Variants in CD99L2 observed in about 807,000 individuals in gnomAD.
The protein encoded by CD99L2 is CD99 molecule like 2, also known as CD99 antigen-like protein 2.
In CD99L2, 24 loss-of-function variants were observed where a neutral mutation model predicts 27.3. The observed-to-expected ratio is 0.88, with a 90% confidence interval of 0.64 to 1.24. The LOEUF (loss-of-function observed/expected upper bound fraction) is 1.24. Among genes scored for constraint, CD99L2 ranks in the 50% most tolerant of loss-of-function variants. The pLI is 0.00. For missense variants in CD99L2, 255 were observed against 221.6 expected (o/e 1.15, Z -0.96); for synonymous variants, 97 against 87.9 (o/e 1.10, Z -0.58).
chrX:150,874,704 G>A (rs986908881), intron 1 of CD99L2, among the ~76,000 whole-genome samples: 13 of 111,773 alleles, frequency 1.2e-4, no homozygotes, highest in Non-Finnish European at 3.8e-5. Flanking sequence ...AACCTTCCTT[G>A]AAACACTTTG....
chrX:150,770,378 G>A lies in CD99L2; in HGVS notation c.656-9C>T, dbSNP rs782620868. 14 of 1,207,103 alleles carry A rather than the reference G, an allele frequency of 1.2e-5. No homozygotes were observed. In the Admixed American group the frequency reaches 2.6e-4, roughly 23 times the overall value. On this transcript the variant is annotated splice_polypyrimidine_tract_variant and intron_variant, in intron 9 of 10. Coordinates refer to ENST00000370377, the MANE Select transcript of CD99L2 (RefSeq NM_031462.4). ...GTCTGCGTTGAGACCCTCTGCAAAG[G>A]GAAAAGGGCAGAGTTAGTGATGCGC...
At chrX:150,856,026 T>G (rs1240317234) in intron 1 of CD99L2, among the ~76,000 whole-genome samples, 1 of 112,671 alleles carries the variant, frequency 8.9e-6, no homozygotes, top group Non-Finnish European at 1.9e-5. Context: ...GACCTGCCAC[T>G]TTTAAATTCT....
chrX:150,799,314 A>G (rs1211177431), intron 4 of CD99L2, among the ~76,000 whole-genome samples: 2 of 104,008 alleles, frequency 1.9e-5, no homozygotes, highest in African/African-American at 7.1e-5. Context: ...CCTGGACAAC[A>G]TGGTGAAACC....
chrX:150,841,023 T>G (rs1184183050), intron 1 of CD99L2, among the ~76,000 whole-genome samples: 1 of 112,054 alleles, frequency 8.9e-6, no homozygotes, highest in East Asian at 2.8e-4. Flanking sequence ...ATGCAAATAC[T>G]TCAACCCAGC....
At chrX:150,878,559 GA>G (rs1220358476) in intron 1 of CD99L2, among the ~76,000 whole-genome samples, 36 of 94,272 alleles carry the variant, frequency 3.8e-4, no homozygotes, top group Non-Finnish European at 6.3e-4. Flanking sequence ...GGAAAGAAAA[GA>G]AAAAAAAAAG....
intron 1 of CD99L2, among the ~76,000 whole-genome samples, chrX:150,891,633 C>T (rs2047513553): frequency 8.9e-6 from 1 of 112,148 alleles, no homozygotes; most frequent in Non-Finnish European, 1.9e-5. Context: ...AACATATTCA[C>T]AGGTTCCAGA....
At chrX:150,860,493 A>G (rs2124316847) in intron 1 of CD99L2, among the ~76,000 whole-genome samples, 1 of 112,260 alleles carries the variant, frequency 8.9e-6, no homozygotes, top group South Asian at 3.7e-4. Flanking sequence ...AGAAAGAAAT[A>G]AAAGGCATCT....
intron 1 of CD99L2, among the ~76,000 whole-genome samples, chrX:150,873,996 C>T (rs1234409955): frequency 8.9e-6 from 1 of 112,683 alleles, no homozygotes; most frequent in Non-Finnish European, 1.9e-5. Context: ...GCAGTGAATG[C>T]TTTTCATAGG....
At chrX:150,816,963 C>T (rs904796732) in intron 2 of CD99L2, among the ~76,000 whole-genome samples, 2 of 99,894 alleles carry the variant, frequency 2.0e-5, no homozygotes, top group Non-Finnish European at 4.0e-5. Context: ...AACCAAACAC[C>T]GCATATTCTC....
At chrX:150,812,613 T>C (rs1396600152) in intron 4 of CD99L2, among the ~76,000 whole-genome samples, 3 of 112,580 alleles carry the variant, frequency 2.7e-5, no homozygotes, top group African/African-American at 9.7e-5. Flanking sequence ...TTGCAAAATA[T>C]TACAGTCTTC....
At chrX:150,775,646 C>T (rs923707102) in intron 9 of CD99L2, among the ~76,000 whole-genome samples, 6 of 112,386 alleles carry the variant, frequency 5.3e-5, no homozygotes, top group African/African-American at 1.9e-4. Flanking sequence ...GTTTGTGGCT[C>T]GTAGGGGGAA....
At chrX:150,782,452 G>A (rs782075008) in intron 7 of CD99L2, among the ~76,000 whole-genome samples, 2 of 111,174 alleles carry the variant, frequency 1.8e-5, no homozygotes, top group South Asian at 7.7e-4. Flanking sequence ...GTAATATAAT[G>A]GGTATCCCCT....
At chrX:150,865,887 G>A (rs1175404333) in intron 1 of CD99L2, among the ~76,000 whole-genome samples, 5 of 112,222 alleles carry the variant, frequency 4.5e-5, no homozygotes, top group African/African-American at 9.7e-5. Context: ...TTGGGAGGCC[G>A]AGATGGGAGG....
intron 7 of CD99L2, among the ~76,000 whole-genome samples, chrX:150,785,166 C>A (rs781866045): frequency 1.8e-4 from 20 of 110,175 alleles, no homozygotes; most frequent in African/African-American, 6.6e-4. Flanking sequence ...GCAGAAAGAA[C>A]ATGTCAGCAG....
At chrX:150,809,300 C>G (rs2046040218) in intron 4 of CD99L2, among the ~76,000 whole-genome samples, 1 of 111,534 alleles carries the variant, frequency 9.0e-6, no homozygotes, top group Admixed American at 9.5e-5. Context: ...AAACTTCAGA[C>G]AAGACCCCTA....
rs782179326 is a variant in CD99L2 at position 150,816,400 on chromosome X, C to T, written c.131-322G>A. The T allele has an allele frequency of 2.2e-4, 60 of 272,555 alleles. No individual in the cohort carries two copies. In the Admixed American group the frequency reaches 2.9e-3, roughly 13 times the overall value. 22.5% of individuals were successfully genotyped at this position (272,555 alleles called of 1,213,427 possible). A position where few individuals can be genotyped will look rare whatever the true frequency, so the allele number is the denominator to read the frequency against. On this transcript the variant is annotated intron_variant, in intron 2 of 10. Transcript: ENST00000370377. ...GCACGTGGTCCAGGGAGTTCCACAG[C>T]CTGAGCATGATCCTTGAGGGCTCCA...
At chrX:150,879,364 G>A (rs971484049) in intron 1 of CD99L2, among the ~76,000 whole-genome samples, 4 of 111,900 alleles carry the variant, frequency 3.6e-5, no homozygotes, top group Non-Finnish European at 5.6e-5. Flanking sequence ...TAAGAAAAGG[G>A]AGAAGGTGGC....
At chrX:150,876,235 C>T (rs1021835604) in intron 1 of CD99L2, among the ~76,000 whole-genome samples, 1 of 112,066 alleles carries the variant, frequency 8.9e-6, no homozygotes, top group Non-Finnish European at 1.9e-5. Context: ...CACACTTTTG[C>T]CCTCTAAGTT....
intron 1 of CD99L2, among the ~76,000 whole-genome samples, chrX:150,850,825 CT>C (rs1309633632): frequency 4.5e-5 from 5 of 110,015 alleles, no homozygotes; most frequent in East Asian, 5.7e-4. Context: ...ACCAGGAGTA[CT>C]TTTTTTTCTT....
Sources: allele counts gnomAD v4.1 joint callset (sites outside exome capture counted in the v4.1 genomes callset), GRCh38; gene constraint gnomAD v4.1.1; transcripts MANE v1.5; gene names NCBI Gene and HGNC (gene_info 2026-07-23, HGNC 2026-07-21).